KDM1A: variants seen among roughly 807,000 people sequenced by gnomAD.
The protein encoded by KDM1A is lysine demethylase 1A.
In KDM1A, 49 loss-of-function variants were observed where a neutral mutation model predicts 109.4. The observed-to-expected ratio is 0.45, with a 90% CI of 0.36 to 0.57. KDM1A has a LOEUF of 0.57. Ranked by LOEUF, KDM1A falls within the 20% of genes least tolerant of loss-of-function variation. KDM1A has a pLI of 0.00. For missense variants in KDM1A, 668 were observed against 1,116.6 expected (o/e 0.60, Z 5.73); for synonymous variants, 380 against 415.4 (o/e 0.91, Z 1.04).
At chr1:23,058,597 C>A (rs1264499810) in intron 8 of KDM1A, among the ~76,000 whole-genome samples, 1 of 152,136 alleles carries the variant, frequency 6.6e-6, no homozygotes, top group Non-Finnish European at 1.5e-5. Context: ...ATTCTTCTGC[C>A]TTAGCCTTCC....
chr1:23,027,155 T>C (rs1429478963), intron 1 of KDM1A, among the ~76,000 whole-genome samples: 1 of 151,948 alleles, frequency 6.6e-6, no homozygotes, highest in Non-Finnish European at 1.5e-5. Flanking sequence ...TACTATTAAG[T>C]AGTATTAAGA....
Position 23,081,509 on chromosome 1 carries a change from A to T in KDM1A, c.2234A>T (p.Asp745Val). 1 of 1,614,190 alleles carries T rather than the reference A, an allele frequency of 6.2e-7. No homozygotes were observed. The highest frequency in any genetic ancestry group is 8.5e-7 in the Non-Finnish European group (1 of 1,180,014). ...GGTATCATGGAAAACATAAGTGACG[A>T]TGTGATTGTTGGCCGATGCCTGGCC... ...AAGIMENISD[D>V]VIVGRCLAIL... is the part of the protein sequence containing the mutation. The change falls in exon 19 of 21, where the codon GAT (aspartate) becomes GTT (valine). Residue 745 changes from aspartate (D) to valine (V), a missense_variant. By Grantham distance (152) the Asp-to-Val change is radical. Transcript: ENST00000400181.
intron 2 of KDM1A, among the ~76,000 whole-genome samples, chr1:23,034,492 A>G (rs1642082825): frequency 6.6e-6 from 1 of 152,068 alleles, no homozygotes. Context: ...TATTGGAGAA[A>G]TGCCTTTCCT....
chr1:23,064,185 C>T (rs1643097645), intron 9 of KDM1A, among the ~76,000 whole-genome samples: 1 of 152,346 alleles, frequency 6.6e-6, no homozygotes, highest in African/African-American at 2.4e-5. Flanking sequence ...CCACTGCTCC[C>T]AGCCTAGAAT....
intron 2 of KDM1A, among the ~76,000 whole-genome samples, chr1:23,033,730 T>C (rs12117752): frequency 0.37 from 56,576 of 151,930 alleles, 13,020 homozygotes; most frequent in East Asian, 0.55. Context: ...TCTGGGAGAG[T>C]ACTGAGAGGA....
chr1:23,030,684 T>A (rs375831125), intron 2 of KDM1A, 50 bp downstream of exon 2: 3 of 1,457,864 alleles, frequency 2.1e-6, no homozygotes, highest in Non-Finnish European at 2.7e-6. Context: ...GAAATAAGAA[T>A]GAATGGATTT....
chr1:23,054,878 A>T (rs1297754064), intron 5 of KDM1A, among the ~76,000 whole-genome samples, 191 bp from the exon 6 acceptor site: 1 of 152,140 alleles, frequency 6.6e-6, no homozygotes, highest in East Asian at 1.9e-4. Flanking sequence ...CTATCACTTC[A>T]GTCTCCCAAA....
intron 6 of KDM1A, among the ~76,000 whole-genome samples, chr1:23,055,707 G>A (rs540832782): frequency 1.1e-3 from 174 of 152,272 alleles, no homozygotes; most frequent in African/African-American, 4.1e-3. Flanking sequence ...TAAATCTTAA[G>A]ATAGTGGATT....
chr1:23,023,895 G>C (rs953796123), intron 1 of KDM1A, among the ~76,000 whole-genome samples: 1 of 152,166 alleles, frequency 6.6e-6, no homozygotes, highest in Admixed American at 6.6e-5. Context: ...TGTCACCCAT[G>C]CTGGAGTGCA....
intron 10 of KDM1A, among the ~76,000 whole-genome samples, chr1:23,067,631 C>T (rs191543647): frequency 2.2e-4 from 33 of 152,336 alleles, no homozygotes; most frequent in Non-Finnish European, 4.4e-4. Flanking sequence ...TTTTGAATCA[C>T]ATTTCCCTGC....
intron 9 of KDM1A, among the ~76,000 whole-genome samples, chr1:23,061,449 T>G (rs146066631): frequency 0.021 from 3,216 of 152,298 alleles, 42 homozygotes; most frequent in Non-Finnish European, 0.03. Flanking sequence ...CTGTATAGGA[T>G]TTTTCTAAGT....
At position 23,079,701 on chromosome 1, in the gene KDM1A, C is replaced by A; in HGVS notation, c.2170+34C>A. ...CTTCTAATTTTAATCTTTTCCATAT[C>A]CTTACAGGAATATAGAATTTGAAAT... On this transcript the variant is annotated intron_variant, in intron 18 of 20. Transcript: ENST00000400181. This position sits in a 1 kb window ranked among gnomAD's most constrained non-coding sequence, Gnocchi z 5.6. The A allele has an allele frequency of 1.5e-6, 2 of 1,343,368 alleles. No homozygotes were observed. Among genetic ancestry groups the A allele is most frequent in the Non-Finnish European group, 2.1e-6 (2 of 959,550 alleles). The allele number at this position is 1,343,368 out of a possible 1,614,324, so 83.2% of individuals were successfully genotyped here.
intron 2 of KDM1A, among the ~76,000 whole-genome samples, chr1:23,038,624 C>A (rs563417760): frequency 6.6e-6 from 1 of 152,200 alleles, no homozygotes; most frequent in Admixed American, 6.5e-5. Flanking sequence ...AAAGTAAATT[C>A]TTTCCATTGG....
At chr1:23,068,448 T>A in intron 10 of KDM1A, 91 bp from the exon 11 acceptor site, 2 of 1,065,960 alleles carry the variant, frequency 1.9e-6, no homozygotes, top group Non-Finnish European at 2.6e-6. Flanking sequence ...ATACATATTT[T>A]GACCTTTATA....
intron 2 of KDM1A, among the ~76,000 whole-genome samples, chr1:23,035,224 C>T (rs1030367058): frequency 2.0e-4 from 31 of 152,102 alleles, no homozygotes; most frequent in Middle Eastern, 3.4e-3. Flanking sequence ...TGTTTTGAGA[C>T]GGAGTTTTGC....
intron 2 of KDM1A, among the ~76,000 whole-genome samples, chr1:23,035,831 C>G (rs1157562572): frequency 6.6e-6 from 1 of 152,064 alleles, no homozygotes; most frequent in African/African-American, 2.4e-5. Flanking sequence ...AAGGCAGAAT[C>G]TTCTAGAGTA....
chr1:23,050,580 A>G, intron 4 of KDM1A, 60 bp downstream of exon 4: 1 of 1,310,734 alleles, frequency 7.6e-7, no homozygotes, highest in Non-Finnish European at 1.0e-6. Flanking sequence ...GCTTTGATAG[A>G]GAATATGGGA....
chr1:23,058,867 A>G (rs996025562), intron 8 of KDM1A, among the ~76,000 whole-genome samples: 4 of 152,030 alleles, frequency 2.6e-5, no homozygotes, highest in African/African-American at 9.7e-5. Flanking sequence ...AGAATCTGTA[A>G]TGTTAATTAG....
chr1:23,082,201 C>T lies in KDM1A; in HGVS notation c.2299-19C>T, dbSNP rs200333146. ...GCTTGGTGTCTCGTAATGACTTTTG[C>T]TCCTGGTTTTTCTTTTAGCCCAAAG... On this transcript the variant is annotated intron_variant, in intron 19 of 20. Transcript: ENST00000400181. The T allele has an allele frequency of 6.2e-6, 10 of 1,611,720 alleles. No homozygotes were observed. The African/African-American group carries it at 1.2e-4, about 19-fold the overall frequency.
Sources: allele counts gnomAD v4.1 joint callset (sites outside exome capture counted in the v4.1 genomes callset), GRCh38; gene constraint gnomAD v4.1.1; non-coding constraint Gnocchi (gnomAD v3.1); transcripts MANE v1.5; gene names NCBI Gene and HGNC (gene_info 2026-07-23, HGNC 2026-07-21).